DOCK8: variants seen among roughly 807,000 people sequenced by gnomAD.
DOCK8 encodes the protein dedicator of cytokinesis 8, also known as dedicator of cytokinesis protein 8.
A neutral mutation model predicts 245.6 loss-of-function variants in DOCK8; 141 were observed. The observed-to-expected ratio is 0.57, with a 90% CI of 0.50 to 0.66. The LOEUF is 0.66. Among genes scored for constraint, DOCK8 ranks in the 30% least tolerant of loss-of-function variants. DOCK8 has a pLI of 0.00. For missense variants in DOCK8, 2,965 were observed against 2,603.4 expected, an observed-to-expected ratio of 1.14 and a Z score of -3.02; for synonymous variants, 1,168 against 970.2, an observed-to-expected ratio of 1.20 and a Z score of -3.79.
intron 2 of DOCK8, among the ~76,000 whole-genome samples, chr9:284,021 A>G (rs951448323): frequency 6.6e-6 from 1 of 152,202 alleles, no homozygotes; most frequent in African/African-American, 2.4e-5. Flanking sequence ...GCACATAGTA[A>G]TGCTCAATAA....
rs375198959 is a variant in DOCK8 at position 386,336 on chromosome 9, C to G, written c.2784C>G (p.Ala928=). 6.2e-7 allele frequency: 1 copy of G among 1,613,490 alleles called. No individual in the cohort carries two copies. Among genetic ancestry groups the G allele is most frequent in the Non-Finnish European group, 8.5e-7 (1 of 1,179,620 alleles). Residue 928 remains alanine (A), a synonymous_variant, in exon 23 of 48, where the codon GCC becomes GCG. Coordinates refer to ENST00000432829, the MANE Select transcript of DOCK8 (RefSeq NM_203447.4). ...CCATGGTTTGTGTATTTTAGATCGC[C>G]GATCGCAACTGCAGCCGAATGTCTT... ...EVKNIMSSKI[A]DRNCSRMSYY...
chr9:365,104 G>A (rs1342295614), intron 14 of DOCK8, among the ~76,000 whole-genome samples: 1 of 152,250 alleles, frequency 6.6e-6, no homozygotes, highest in African/African-American at 2.4e-5. Context: ...CAAGGGCAAG[G>A]TCATGTAGGA....
At chr9:233,211 G>C (rs1278527349) in intron 1 of DOCK8, among the ~76,000 whole-genome samples, 2 of 152,146 alleles carry the variant, frequency 1.3e-5, no homozygotes, top group Non-Finnish European at 2.9e-5. Context: ...GCGGTTTTGA[G>C]TGAGTTTCTT....
intron 3 of DOCK8, 67 bp from the exon 4 acceptor site, chr9:289,443 A>G (rs1175295046): frequency 3.1e-6 from 4 of 1,274,362 alleles, no homozygotes; most frequent in African/African-American, 1.5e-5. Context: ...TTCCTTGCTC[A>G]TGATTAGGGG....
chr9:349,222 C>A (rs1456614048), intron 14 of DOCK8, among the ~76,000 whole-genome samples: 7 of 152,142 alleles, frequency 4.6e-5, no homozygotes, highest in Non-Finnish European at 7.4e-5. Flanking sequence ...AAAACCATGG[C>A]TAATTCATCA....
intron 43 of DOCK8, 73 bp from the exon 44 acceptor site, chr9:446,297 G>C (rs1310536251): frequency 1.6e-6 from 2 of 1,249,170 alleles, no homozygotes; most frequent in East Asian, 4.6e-5. Context: ...GTTCCTGCAT[G>C]CCCCTCCATT....
intron 14 of DOCK8, among the ~76,000 whole-genome samples, chr9:342,394 T>G (rs16932229): frequency 0.12 from 17,495 of 151,714 alleles, 1,263 homozygotes; most frequent in African/African-American, 0.21. Context: ...AATGGGAACT[T>G]TTTAATGGCT....
At chr9:335,266 G>T (rs1255052102) in intron 11 of DOCK8, among the ~76,000 whole-genome samples, 1 of 152,040 alleles carries the variant, frequency 6.6e-6, no homozygotes, top group African/African-American at 2.4e-5. Context: ...ACACTGCTTG[G>T]TGTAGAAATT....
chr9:330,357 A>G (rs1200197875), intron 9 of DOCK8, among the ~76,000 whole-genome samples: 2 of 152,076 alleles, frequency 1.3e-5, no homozygotes, highest in African/African-American at 4.8e-5. Context: ...TAAGGGCCAC[A>G]TAGTTTGAGA....
At chr9:309,610 A>C (rs2130664437) in intron 5 of DOCK8, among the ~76,000 whole-genome samples, 1 of 152,338 alleles carries the variant, frequency 6.6e-6, no homozygotes, top group Non-Finnish European at 1.5e-5. Flanking sequence ...TGACTGATTT[A>C]AGGTTGTTTT....
intron 1 of DOCK8, among the ~76,000 whole-genome samples, chr9:253,919 G>A (rs1476626098): frequency 6.6e-6 from 1 of 152,156 alleles, no homozygotes; most frequent in Non-Finnish European, 1.5e-5. Context: ...AGAGAGTGAG[G>A]CCAAGATTTT....
chr9:405,693 C>A (rs771586382), intron 27 of DOCK8, among the ~76,000 whole-genome samples: 6 of 152,030 alleles, frequency 3.9e-5, no homozygotes, highest in Non-Finnish European at 8.8e-5. Context: ...GAGCATCAGG[C>A]AAAATTTCTC....
chr9:291,167 A>G (rs1167488991), intron 4 of DOCK8, among the ~76,000 whole-genome samples: 6 of 152,176 alleles, frequency 3.9e-5, no homozygotes, highest in Admixed American at 1.3e-4. Flanking sequence ...AACAAATAGA[A>G]AGATCCATTT....
At chr9:285,234 C>T (rs2048769249) in intron 2 of DOCK8, among the ~76,000 whole-genome samples, 1 of 152,170 alleles carries the variant, frequency 6.6e-6, no homozygotes, top group South Asian at 2.1e-4. Flanking sequence ...CCTGCCACAT[C>T]TCCATTCTCT....
At chr9:445,813 C>A (rs1216544971) in intron 43 of DOCK8, among the ~76,000 whole-genome samples, 1 of 152,176 alleles carries the variant, frequency 6.6e-6, no homozygotes, top group African/African-American at 2.4e-5. Context: ...TCATTTCTCT[C>A]CTGTACACAC....
chr9:423,422 C>G (rs1247830104), intron 33 of DOCK8, among the ~76,000 whole-genome samples: 1 of 152,176 alleles, frequency 6.6e-6, no homozygotes, highest in Non-Finnish European at 1.5e-5. Context: ...TCACCCCTCA[C>G]ACACAGTTGA....
intron 39 of DOCK8, among the ~76,000 whole-genome samples, chr9:437,788 A>C (rs572365481): frequency 5.3e-5 from 8 of 152,332 alleles, no homozygotes; most frequent in Non-Finnish European, 1.2e-4. Context: ...CCCAGAGTGC[A>C]ATATTTATTT....
chr9:413,951 G>A (rs1449640749), intron 28 of DOCK8, among the ~76,000 whole-genome samples: 3 of 152,184 alleles, frequency 2.0e-5, no homozygotes, highest in African/African-American at 7.2e-5. Context: ...AGACCAGCCT[G>A]GCCAAGATGG....
chr9:441,343 G>C lies in DOCK8; in HGVS notation c.5281G>C (p.Ala1761Pro), dbSNP rs753796891. ...CAAGCTGGTCATCCCCATCCTAGAAGCGCATCGAGAATTCCGGAAGCTGAC... is the reference window on the plus strand; with the variant it reads ...CAAGCTGGTCATCCCCATCCTAGAACCGCATCGAGAATTCCGGAAGCTGAC... ...VYKLVIPILE[A>P]HREFRKLTLT... The change falls in exon 41 of 48, where the codon GCG (alanine) becomes CCG (proline). Residue 1761 changes from alanine (A) to proline (P), a missense_variant. By Grantham distance (27) the Ala-to-Pro change is conservative (BLOSUM62 -1). Around this residue, in one of 3 missense-constraint regions of DOCK8, gnomAD observed 2,825 missense variants for 2,453.5 expected, o/e 1.15. Transcript: ENST00000432829. The C allele has an allele frequency of 4.3e-6, 7 of 1,614,204 alleles. No individual in the cohort carries two copies. In the South Asian group the frequency reaches 7.7e-5, roughly 18 times the overall value.
Sources: gnomAD v4.1 joint callset for allele counts (sites outside exome capture counted in the v4.1 genomes callset) on GRCh38, gnomAD v4.1.1 for gene constraint, gnomAD v4.1.1 regional missense constraint, MANE v1.5 for transcripts, NCBI Gene and HGNC (gene_info 2026-07-23, HGNC 2026-07-21) for gene names.